KIFC2: variants seen among roughly 807,000 people sequenced by gnomAD.
The protein encoded by KIFC2 is kinesin family member C2.
KIFC2 carries 94 observed loss-of-function variants against 91.5 expected under a neutral mutation model. That is an observed-to-expected ratio of 1.03 (90% CI 0.87 to 1.22). KIFC2 has a LOEUF of 1.22. Among genes scored for constraint, KIFC2 ranks in the 50% most tolerant of loss-of-function variants. The probability of loss-of-function intolerance (pLI) is 0.00; values close to 1 mark genes in which losing one functional copy is unlikely to be tolerated. For synonymous variants in KIFC2, 729 were observed against 503.9 expected, an observed-to-expected ratio of 1.45 and a Z score of -5.98; for missense variants, 1,357 against 1,103.3, an observed-to-expected ratio of 1.23 and a Z score of -3.26.
intron 5 of KIFC2, 23 bp downstream of exon 5, chr8:144,467,653 G>A (rs1156286959): frequency 6.2e-7 from 1 of 1,604,800 alleles, no homozygotes; most frequent in Admixed American, 1.7e-5. Context: ...GAGCCAGAAG[G>A]GATTGCCGGC....
In KIFC2 at chr8:144,468,572, G is replaced by C. The variant is rs761507637; in HGVS notation, c.925G>C (p.Gly309Arg). 6.2e-7 allele frequency: 1 copy of C among 1,606,100 alleles called. No homozygotes were observed. Among genetic ancestry groups the C allele is most frequent in the Non-Finnish European group, 8.5e-7 (1 of 1,176,490 alleles). Residue 309 changes from glycine to arginine, a missense_variant, in exon 9 of 18, where the codon GGG becomes CGG. By Grantham distance (125) the Gly-to-Arg change is moderately radical. Coordinates refer to ENST00000645548, the MANE Select transcript of KIFC2 (RefSeq NM_001369769.2). ...GGAGGTGCAGCTGCAGGGCCTTCAA[G>C]GGGCCCTCCAGCAGCTCCAGCAGGA... ...VQEVQLQGLQ[G>R]ALQQLQQETE...
chr8:144,466,734 C>G, intron 1 of KIFC2, 26 bp from the exon 2 acceptor site: 1 of 1,504,592 alleles, frequency 6.6e-7, no homozygotes, highest in Non-Finnish European at 8.8e-7. Flanking sequence ...CCCCCCTCCT[C>G]AGGGGCGCCC....
At position 144,473,868 on chromosome 8, in the gene KIFC2, G is replaced by C. The variant is rs1181428631; in HGVS notation, c.*479G>C. ...ACAGATGAGAGAGGGCAGGACTTCA[G>C]GCTGGATCCACCACTGGGCTCTCCC... On this transcript the variant is annotated 3_prime_UTR_variant, in exon 18 of 18. Coordinates refer to ENST00000645548, the MANE Select transcript of KIFC2 (RefSeq NM_001369769.2). The C allele has an allele frequency of 2.5e-6, 1 of 399,670 alleles. No individual in the cohort carries two copies. The highest frequency in any genetic ancestry group is 2.0e-5 in the African/African-American group (1 of 49,354). The allele number at this position is 399,670 out of a possible 1,614,324, so 24.8% of individuals were successfully genotyped here.
At position 144,468,662 on chromosome 8, in the gene KIFC2, G is replaced by T; in HGVS notation, c.1003+12G>T. ...TGGGCAGCTGGCAGGTAAGGGTTGGGGTTGGGGCTCATGGGAGGCCCTGGA... is the reference window on the plus strand; with the variant it reads ...TGGGCAGCTGGCAGGTAAGGGTTGGTGTTGGGGCTCATGGGAGGCCCTGGA... On this transcript the variant is annotated intron_variant, in intron 9 of 17. Coordinates refer to ENST00000645548, the MANE Select transcript of KIFC2 (RefSeq NM_001369769.2). 1 of 1,613,462 alleles carries T rather than the reference G, an allele frequency of 6.2e-7. No individual in the cohort carries two copies. Among genetic ancestry groups the T allele is most frequent in the Non-Finnish European group, 8.5e-7 (1 of 1,179,578 alleles).
At position 144,467,254 on chromosome 8, in the gene KIFC2, C is replaced by T. The variant is rs777824599; in HGVS notation, c.382C>T (p.Leu128=). The T allele has an allele frequency of 2.1e-5, 34 of 1,613,522 alleles. No individual in the cohort carries two copies. The Admixed American group carries it at 4.2e-4, about 20-fold the overall frequency. The change falls in exon 4 of 18, where the codon CTG becomes TTG. Residue 128 remains leucine (L), a synonymous_variant. Transcript: ENST00000645548. The part of the protein sequence containing the change: ...LTVTSQLLAL[L]AWLRSPRGRQ... ...AGTGACCAGTCAGCTCTTGGCCCTT[C>T]TGGCATGGCTTCGAAGCCCCAGGGG...
intron 12 of KIFC2, among the ~76,000 whole-genome samples, chr8:144,471,581 G>A (rs1414681617): frequency 6.6e-6 from 1 of 152,094 alleles, no homozygotes; most frequent in Non-Finnish European, 1.5e-5. Context: ...TCAAAATGCT[G>A]GGATTTATTT....
In KIFC2 at chr8:144,472,796, C is replaced by T; in HGVS notation, c.1863C>T (p.Gly621=). Residue 621 remains glycine (G), a splice_region_variant and synonymous_variant, in exon 17 of 18, where the codon GGC becomes GGT. Coordinates refer to ENST00000645548, the MANE Select transcript of KIFC2 (RefSeq NM_001369769.2). ...TGTCGGGCTCGCTCGCCCCTCTAGG[C>T]ACGCTGCACCTGGTGGACCTGGCGG... ...ASPPRAPGTA[G]TLHLVDLAGS... 1 of 1,590,220 alleles carries T rather than the reference C, an allele frequency of 6.3e-7. No homozygotes were observed. Among genetic ancestry groups the T allele is most frequent in the Non-Finnish European group, 8.5e-7 (1 of 1,176,540 alleles).
intron 1 of KIFC2, 109 bp downstream of exon 1, chr8:144,466,627 C>T (rs1824650851): frequency 1.1e-6 from 1 of 898,570 alleles, no homozygotes; most frequent in East Asian, 3.4e-5. Flanking sequence ...CGGGGCCGTG[C>T]CGAGGACCCT....
rs749946793 is a variant in KIFC2 at position 144,468,876 on chromosome 8, C to T, written c.1113+42C>T. ...GCCTAGCCCCTCCTCTCTGGGCAGC[C>T]TATTCACTGTTCTTTTGACGGGGGC... is the stretch of plus-strand genomic sequence containing the variant. On this transcript the variant is annotated intron_variant, in intron 10 of 17. Coordinates refer to ENST00000645548, the MANE Select transcript of KIFC2 (RefSeq NM_001369769.2). 5.2e-6 allele frequency: 8 copies of T among 1,526,890 alleles called. No individual in the cohort carries two copies. In the South Asian group the frequency reaches 5.6e-5, roughly 11 times the overall value. 94.6% of individuals were successfully genotyped at this position (1,526,890 alleles called of 1,614,324 possible).
intron 17 of KIFC2, 28 bp from the exon 18 acceptor site, chr8:144,473,090 GCCGCCCACCCGGGC>G (rs1006559931): frequency 3.8e-5 from 58 of 1,531,814 alleles, no homozygotes; most frequent in African/African-American, 7.0e-5. Context: ...CGTGCCGGTC[GCCGCCCACCCGGGC>G]CCGCCCACCC....
chr8:144,472,616 A>G lies in KIFC2; in HGVS notation c.1771A>G (p.Thr591Ala), dbSNP rs199988993. The G allele has an allele frequency of 6.2e-7, 1 of 1,605,034 alleles. No homozygotes were observed. The stretch of plus-strand genomic sequence containing the variant: ...GAGGAGCAACCGGGCCACCGCCGCC[A>G]CCGCCATGAACCAGCGCAGCTCCCG... Reference protein sequence around the residue: ...LGRSNRATAATAMNQRSSRSH... With the variant: ...LGRSNRATAAAAMNQRSSRSH... The change falls in exon 16 of 18, where the codon ACC becomes GCC. Residue 591 changes from threonine to alanine, a missense_variant. Coordinates refer to ENST00000645548, the MANE Select transcript of KIFC2 (RefSeq NM_001369769.2).
At position 144,472,405 on chromosome 8, in the gene KIFC2, A is replaced by G. The variant is rs762727550; in HGVS notation, c.1652A>G (p.Gln551Arg). The change falls in exon 15 of 18, where the codon CAG becomes CGG. Residue 551 changes from glutamine to arginine, a missense_variant. Transcript: ENST00000645548. ...CCTCCCGAGCGCCTGGCCGTGAGGC[A>G]GGGCCCAGAAGGCCAGGGCGGGATC... Reference protein sequence around the residue: ...PGPPERLAVRQGPEGQGGIQV... With the variant: ...PGPPERLAVRRGPEGQGGIQV... 2 of 1,612,974 alleles carry G rather than the reference A, an allele frequency of 1.2e-6. No homozygotes were observed. The highest frequency in any genetic ancestry group is 2.2e-5 in the East Asian group (1 of 44,894).
chr8:144,472,870 ACCCAGACGGCGCCCGGCGCCTGCGGGAGG>A lies in KIFC2; in HGVS notation c.1945_1973del (p.Gly649HisfsTer189), dbSNP rs777085323. Reference sequence around the variant, plus strand: ...GGGGCGGCCGGCCCGCCGCGGGGAGACCCAGACGGCGCCCGGCGCCTGCGGGAGGCCCAGACCATAAACCGCTCGCTGCT... The same window carrying A: ...GGGGCGGCCGGCCCGCCGCGGGGAGACCCAGACCATAAACCGCTCGCTGCT... On this transcript the variant is annotated frameshift_variant, in exon 17 of 18. Transcript: ENST00000645548. LOFTEE classifies it high-confidence loss of function. 8.5e-6 allele frequency: 13 copies of A among 1,532,578 alleles called. No individual in the cohort carries two copies. The highest frequency in any genetic ancestry group is 1.8e-4 in the Middle Eastern group (1 of 5,558). 94.9% of individuals were successfully genotyped at this position (1,532,578 alleles called of 1,614,324 possible).
At chr8:144,466,543 C>T (rs1374942888) in intron 1 of KIFC2, 25 bp downstream of exon 1, 2 of 1,140,368 alleles carry the variant, frequency 1.8e-6, no homozygotes, top group African/African-American at 1.7e-5. Flanking sequence ...CCGTGCAGCC[C>T]GTCGTCTCCC....
chr8:144,469,061 A>AT (rs1418344983), intron 10 of KIFC2, among the ~76,000 whole-genome samples: 5 of 152,192 alleles, frequency 3.3e-5, no homozygotes, highest in Non-Finnish European at 7.4e-5. Context: ...CGGAGGAGAC[A>AT]GATGATGTGG....
rs1825001152 is a variant in KIFC2 at position 144,473,080 on chromosome 8, C to G, written c.2118+29C>G. 6.6e-7 allele frequency: 1 copy of G among 1,521,682 alleles called. No homozygotes were observed. Among genetic ancestry groups the G allele is most frequent in the Non-Finnish European group, 8.8e-7 (1 of 1,136,098 alleles). The allele number at this position is 1,521,682 out of a possible 1,614,324, so 94.3% of individuals were successfully genotyped here. On this transcript the variant is annotated intron_variant, in intron 17 of 17. Coordinates refer to ENST00000645548, the MANE Select transcript of KIFC2 (RefSeq NM_001369769.2). ...GGCGCCGGGGCGGGGCAGGTGTGTG[C>G]GTGCCGGTCGCCGCCCACCCGGGCC...
chr8:144,473,380 G>T lies in KIFC2; in HGVS notation c.2367G>T (p.Leu789=). The T allele has an allele frequency of 6.3e-7, 1 of 1,578,418 alleles. No individual in the cohort carries two copies. Residue 789 remains leucine, a synonymous_variant, in exon 18 of 18, where the codon CTG becomes CTT. Transcript: ENST00000645548. ...SGSALAPAEG[L]PL is the part of the protein sequence containing the mutation. ...CGGCTCTCGCGCCCGCAGAGGGCCT[G>T]CCCCTCTAGTCCTGGGTCGCGGCCC... is the stretch of plus-strand genomic sequence containing the variant.
In KIFC2 at chr8:144,469,004, A is replaced by G. The variant is rs146374940; in HGVS notation, c.1113+170A>G. On this transcript the variant is annotated intron_variant, in intron 10 of 17. Transcript: ENST00000645548. ...CACTTCTGGGCCTTATTTTAATTCT[A>G]TGCATACTTGGTTGACAGTAAACTC... Among the ~76,000 whole-genome samples, 213 of 152,282 alleles carry G rather than the reference A, an allele frequency of 1.4e-3. 1 individual carries two copies. Among genetic ancestry groups the G allele is most frequent in the African/African-American group, 4.8e-3 (200 of 41,552 alleles).
At position 144,468,838 on chromosome 8, in the gene KIFC2, A is replaced by T; in HGVS notation, c.1113+4A>T. 1 of 1,610,436 alleles carries T rather than the reference A, an allele frequency of 6.2e-7. No homozygotes were observed. Among genetic ancestry groups the T allele is most frequent in the Non-Finnish European group, 8.5e-7 (1 of 1,176,986 alleles). On this transcript the variant is annotated splice_donor_region_variant and intron_variant, in intron 10 of 17. Coordinates refer to ENST00000645548, the MANE Select transcript of KIFC2 (RefSeq NM_001369769.2). ...GCTGAGTGAGGCCCGGGGCCAGGTCAGGACCCCTCCCCGCCTAGCCCCTCC... is the reference window on the plus strand; with the variant it reads ...GCTGAGTGAGGCCCGGGGCCAGGTCTGGACCCCTCCCCGCCTAGCCCCTCC...
Sources: allele counts gnomAD v4.1 joint callset (sites outside exome capture counted in the v4.1 genomes callset), GRCh38; gene constraint gnomAD v4.1.1; transcripts MANE v1.5; gene names NCBI Gene and HGNC (gene_info 2026-07-23, HGNC 2026-07-21).